Variants in YTHDC2 observed in about 807,000 individuals in gnomAD.
YTHDC2 encodes the protein YTH N6-methyladenosine RNA binding protein C2.
In YTHDC2, 45 loss-of-function variants were observed where a neutral mutation model predicts 174.9. The ratio of observed to expected loss-of-function variants is 0.26; its 90% CI spans 0.20 to 0.33. YTHDC2 has a LOEUF of 0.33. YTHDC2 is among the 10% of genes least tolerant of loss of function. The probability of loss-of-function intolerance (pLI) is 1.00; values close to 1 mark genes in which losing one functional copy is unlikely to be tolerated. For synonymous variants in YTHDC2, 657 were observed against 574.5 expected, an observed-to-expected ratio of 1.14 and a Z score of -2.05; for missense variants, 1,650 against 1,723.7, an observed-to-expected ratio of 0.96 and a Z score of 0.76.
intron 23 of YTHDC2, among the ~76,000 whole-genome samples, chr5:113,568,602 C>G (rs767147050): frequency 2.0e-5 from 3 of 152,190 alleles, no homozygotes; most frequent in Non-Finnish European, 4.4e-5. Context: ...TCAGCTCCCA[C>G]TTATAAGTGA....
chr5:113,519,970 G>T (rs890752910), intron 2 of YTHDC2, among the ~76,000 whole-genome samples: 9 of 152,104 alleles, frequency 5.9e-5, no homozygotes, highest in African/African-American at 2.2e-4. Context: ...TGCCCTGGTG[G>T]TTTGCTGCAC....
chr5:113,535,525 T>C (rs1774994895), intron 6 of YTHDC2, 117 bp from the exon 7 acceptor site: 1 of 925,942 alleles, frequency 1.1e-6, no homozygotes, highest in African/African-American at 1.7e-5. Context: ...GAATATTGAT[T>C]GGCCTTGTCC....
In YTHDC2 at chr5:113,533,104, T is replaced by G; in HGVS notation, c.842+59T>G. 8 of 1,562,750 alleles carry G rather than the reference T, an allele frequency of 5.1e-6. No individual in the cohort carries two copies. The South Asian group carries it at 9.4e-5, about 18-fold the overall frequency. On this transcript the variant is annotated intron_variant, in intron 5 of 29. Coordinates refer to ENST00000161863, the MANE Select transcript of YTHDC2 (RefSeq NM_022828.5). ...CATGCTTAAAAAAGACTATGTATAT[T>G]TCACTAAAAATAGAGGATGTGTTCG...
In YTHDC2 at chr5:113,581,522, A is replaced by G; in HGVS notation, c.3460A>G (p.Arg1154Gly). ...PWSQVDEATI[R>G]AIIAVLSTEE... ...GTCTCAAGTTGATGAAGCTACCATA[A>G]GAGCAATTATAGCTGTTTTAAGCAC... The change falls in exon 25 of 30, where the codon AGA becomes GGA. Residue 1154 changes from arginine to glycine, a missense_variant. This residue lies in a region of YTHDC2 where 913 missense variants were observed against 940.4 expected (regional missense o/e 0.97). Transcript: ENST00000161863. The G allele has an allele frequency of 6.2e-7, 1 of 1,614,068 alleles. No homozygotes were observed. Among genetic ancestry groups the G allele is most frequent in the Non-Finnish European group, 8.5e-7 (1 of 1,179,928 alleles).
At chr5:113,586,805 T>C (rs1778703542) in intron 26 of YTHDC2, among the ~76,000 whole-genome samples, 1 of 147,896 alleles carries the variant, frequency 6.8e-6, no homozygotes, top group Non-Finnish European at 1.5e-5. Context: ...AAAAATCAAC[T>C]GGCCATAAAT....
intron 1 of YTHDC2, chr5:113,514,374 G>A (rs1773251080): frequency 1.6e-6 from 1 of 629,616 alleles, no homozygotes; most frequent in East Asian, 3.3e-5. Context: ...AAGCCACCGT[G>A]TTTCAGATAT....
intron 2 of YTHDC2, among the ~76,000 whole-genome samples, chr5:113,522,680 T>A (rs80097176): frequency 8.1e-4 from 123 of 152,286 alleles, no homozygotes; most frequent in African/African-American, 2.9e-3. Context: ...AATAAGGAGT[T>A]CTCAATTTGT....
chr5:113,531,488 G>A (rs1370546475), intron 4 of YTHDC2, among the ~76,000 whole-genome samples: 1 of 152,034 alleles, frequency 6.6e-6, no homozygotes, highest in Non-Finnish European at 1.5e-5. Context: ...CCAATTAAAG[G>A]TTGGTCTTAG....
At chr5:113,581,837 T>A (rs191353762) in intron 25 of YTHDC2, 128 bp downstream of exon 25, 1 of 814,468 alleles carries the variant, frequency 1.2e-6, no homozygotes, top group Non-Finnish European at 1.7e-6. Flanking sequence ...CATGAAAAGA[T>A]AGCAATAAAG....
intron 10 of YTHDC2, among the ~76,000 whole-genome samples, chr5:113,543,284 A>G (rs934916430): frequency 1.3e-5 from 2 of 152,130 alleles, no homozygotes; most frequent in African/African-American, 2.4e-5. Context: ...CTCAACCTGC[A>G]CTTTTCTTGT....
chr5:113,549,325 A>G (rs1040349736), intron 12 of YTHDC2, among the ~76,000 whole-genome samples: 1 of 152,190 alleles, frequency 6.6e-6, no homozygotes, highest in Non-Finnish European at 1.5e-5. Context: ...AAAGAAATTT[A>G]AAAGGTGTAA....
rs1256737774 is a variant in YTHDC2 at position 113,553,755 on chromosome 5, A to G, written c.1965-12A>G. The G allele has an allele frequency of 6.2e-7, 1 of 1,612,194 alleles. No individual in the cohort carries two copies. Among genetic ancestry groups the G allele is most frequent in the Non-Finnish European group, 8.5e-7 (1 of 1,179,244 alleles). ...GGTCTTATAGTATGTTTTCTCTTTC[A>G]ATTGTCTGCAGATACCAAGTCTTTA... On this transcript the variant is annotated splice_polypyrimidine_tract_variant and intron_variant, in intron 14 of 29. Transcript: ENST00000161863.
chr5:113,555,207 T>C (rs1202410120), intron 16 of YTHDC2, among the ~76,000 whole-genome samples: 1 of 152,024 alleles, frequency 6.6e-6, no homozygotes, highest in Non-Finnish European at 1.5e-5. Flanking sequence ...GTGTTACTTA[T>C]TTATTAAGTA....
intron 4 of YTHDC2, among the ~76,000 whole-genome samples, chr5:113,530,614 T>G (rs1392514416): frequency 6.6e-6 from 1 of 152,080 alleles, no homozygotes; most frequent in African/African-American, 2.4e-5. Context: ...TAACCATACA[T>G]AAACATACAT....
intron 9 of YTHDC2, among the ~76,000 whole-genome samples, chr5:113,541,352 C>T (rs1410374708): frequency 1.3e-5 from 2 of 151,964 alleles, no homozygotes; most frequent in Admixed American, 1.3e-4. Context: ...CCACCATGTC[C>T]AGCTAAATTT....
At chr5:113,587,944 T>G (rs1217460346) in intron 26 of YTHDC2, among the ~76,000 whole-genome samples, 1 of 152,044 alleles carries the variant, frequency 6.6e-6, no homozygotes, top group Non-Finnish European at 1.5e-5. Context: ...TCAACAATGT[T>G]TTATAAATTT....
At chr5:113,579,874 G>T (rs1446501235) in intron 24 of YTHDC2, 179 bp downstream of exon 24, 1 of 985,238 alleles carries the variant, frequency 1.0e-6, no homozygotes, top group Non-Finnish European at 1.2e-6. Context: ...TATTCCAACA[G>T]AGGACTTGGA....
Position 113,513,735 on chromosome 5 carries a change from T to G in YTHDC2, c.-161T>G. The G allele has an allele frequency of 2.7e-6, 2 of 736,962 alleles. No homozygotes were observed. The highest frequency in any genetic ancestry group is 4.1e-6 in the Non-Finnish European group (2 of 482,580). The allele number at this position is 736,962 out of a possible 1,614,324, so 45.7% of individuals were successfully genotyped here. A position where few individuals can be genotyped will look rare whatever the true frequency, so the allele number is the denominator to read the frequency against. Reference sequence around the variant, plus strand: ...TGATATCAATGGCGCAGGCTTCACTTCTGCTGTGGCGGTGACTGAGGCCTT... The same window carrying G: ...TGATATCAATGGCGCAGGCTTCACTGCTGCTGTGGCGGTGACTGAGGCCTT... On this transcript the variant is annotated 5_prime_UTR_variant, in exon 1 of 30. Coordinates refer to ENST00000161863, the MANE Select transcript of YTHDC2 (RefSeq NM_022828.5).
chr5:113,551,401 A>C (rs535360274), intron 12 of YTHDC2, among the ~76,000 whole-genome samples: 24 of 152,264 alleles, frequency 1.6e-4, no homozygotes, highest in Non-Finnish European at 8.8e-5. Flanking sequence ...GGTATTTAAA[A>C]TTGAATATAT....
Sources: gnomAD v4.1 joint callset for allele counts (sites outside exome capture counted in the v4.1 genomes callset) on GRCh38, gnomAD v4.1.1 for gene constraint, gnomAD v4.1.1 regional missense constraint, MANE v1.5 for transcripts, NCBI Gene and HGNC (gene_info 2026-07-23, HGNC 2026-07-21) for gene names.